SLC71A2: variants seen among roughly 807,000 people sequenced by gnomAD.
SLC71A2 encodes hippocampus abundant transcript-like 1.
the SLC71A2 span, chr9:94,445,142 G>C: frequency 1.5e-3 from 2,452 of 1,613,964 alleles, 3 homozygotes; most frequent in Non-Finnish European, 1.9e-3. Context: ...CCGGTTTCCT[G>C]GGGAGCTCAG....
the SLC71A2 span, among the ~76,000 whole-genome samples, chr9:94,426,735 C>A: frequency 2.7e-5 from 4 of 150,170 alleles, no homozygotes; most frequent in African/African-American, 9.8e-5. Context: ...TAAAATGTTT[C>A]CTATTTTTTT....
At chr9:94,405,636 C>T in the SLC71A2 span, among the ~76,000 whole-genome samples, 2 of 151,976 alleles carry the variant, frequency 1.3e-5, no homozygotes, top group Admixed American at 6.6e-5. Flanking sequence ...CCCACTTGGG[C>T]TTTTTATTCT....
chr9:94,397,813 A>T, the SLC71A2 span, among the ~76,000 whole-genome samples: 1 of 152,212 alleles, frequency 6.6e-6, no homozygotes, highest in African/African-American at 2.4e-5. Context: ...GCCCATAGAG[A>T]TGAAGTACCA....
At chr9:94,382,068 C>T in the SLC71A2 span, among the ~76,000 whole-genome samples, 15 of 151,968 alleles carry the variant, frequency 9.9e-5, no homozygotes, top group Admixed American at 7.9e-4. Context: ...CTTTGGTTGC[C>T]CAGGCTGGAG....
the SLC71A2 span, among the ~76,000 whole-genome samples, chr9:94,442,649 GAGAC>G: frequency 2.6e-5 from 4 of 151,684 alleles, no homozygotes. Flanking sequence ...TCAAGAAATC[GAGAC>G]CATCCTGGCC....
the SLC71A2 span, among the ~76,000 whole-genome samples, chr9:94,453,609 TCA>T: frequency 6.6e-6 from 1 of 152,246 alleles, no homozygotes; most frequent in Non-Finnish European, 1.5e-5. Flanking sequence ...AGTTTGCTAT[TCA>T]CAGATATTTA....
At chr9:94,456,361 T>C in the SLC71A2 span, 1 of 1,587,026 alleles carries the variant, frequency 6.3e-7, no homozygotes, top group Non-Finnish European at 8.7e-7. Flanking sequence ...CCCCCACTTG[T>C]TTTTCTCCTT....
At chr9:94,413,995 T>A in the SLC71A2 span, among the ~76,000 whole-genome samples, 1 of 152,138 alleles carries the variant, frequency 6.6e-6, no homozygotes, top group African/African-American at 2.4e-5. Flanking sequence ...TTTGGCAATC[T>A]AGGTTCAGAA....
chr9:94,460,575 T>A, the SLC71A2 span: 1 of 152,580 alleles, frequency 6.6e-6, no homozygotes. Context: ...TATATGTATT[T>A]TGCTGCACCA....
the SLC71A2 span, among the ~76,000 whole-genome samples, chr9:94,452,376 C>T: frequency 6.6e-6 from 1 of 152,076 alleles, no homozygotes; most frequent in Non-Finnish European, 1.5e-5. Context: ...GCAGGTGGAT[C>T]ACCTGAGGTC....
the SLC71A2 span, chr9:94,458,384 T>C: frequency 6.2e-7 from 1 of 1,614,044 alleles, no homozygotes; most frequent in Non-Finnish European, 8.5e-7. Context: ...GCCAGCACTG[T>C]ATGGCTTCAT....
At chr9:94,375,229 C>G in the SLC71A2 span, among the ~76,000 whole-genome samples, 1 of 151,892 alleles carries the variant, frequency 6.6e-6, no homozygotes, top group Non-Finnish European at 1.5e-5. Flanking sequence ...AACAGTTTTC[C>G]TGGCGCAGTT....
chr9:94,452,672 TATATTC>T, the SLC71A2 span, among the ~76,000 whole-genome samples: 7 of 56,154 alleles, frequency 1.2e-4, no homozygotes, highest in African/African-American at 2.7e-4. Context: ...TATATTCATA[TATATTC>T]ATATATTCAT....
the SLC71A2 span, chr9:94,456,419 C>G: frequency 1.9e-6 from 2 of 1,075,038 alleles, no homozygotes; most frequent in South Asian, 1.3e-5. Flanking sequence ...TGAGTTCTCC[C>G]CATCAACAGC....
chr9:94,428,549 G>A, the SLC71A2 span, among the ~76,000 whole-genome samples: 6 of 150,132 alleles, frequency 4.0e-5, no homozygotes, highest in Non-Finnish European at 8.9e-5. Flanking sequence ...TTGAGAGGAA[G>A]GTACAGAGAT....
At chr9:94,454,231 C>A in the SLC71A2 span, among the ~76,000 whole-genome samples, 1 of 152,284 alleles carries the variant, frequency 6.6e-6, no homozygotes, top group South Asian at 2.1e-4. Flanking sequence ...AAATGTGGAG[C>A]TAGATAACAG....
chr9:94,445,278 G>T, the SLC71A2 span: 1 of 986,168 alleles, frequency 1.0e-6, no homozygotes. Context: ...CCTAGCAGTT[G>T]TTGACTTATT....
At chr9:94,379,205 G>C in the SLC71A2 span, among the ~76,000 whole-genome samples, 2 of 150,102 alleles carry the variant, frequency 1.3e-5, no homozygotes, top group Non-Finnish European at 3.0e-5. Flanking sequence ...TCCTGCCTCA[G>C]CCTCCCATGT....
the SLC71A2 span, among the ~76,000 whole-genome samples, chr9:94,387,513 A>C: frequency 1.7e-3 from 258 of 152,130 alleles, no homozygotes; most frequent in Middle Eastern, 3.4e-3. Context: ...ATCAATTCTC[A>C]TGATAGTTTT....
Sources: gnomAD v4.1 joint callset for allele counts (sites outside exome capture counted in the v4.1 genomes callset) on GRCh38, gnomAD v4.1.1 for gene constraint, MANE v1.5 for transcripts, NCBI Gene and HGNC (gene_info 2026-07-23, HGNC 2026-07-21) for gene names.